SGCZ: variants seen among roughly 807,000 people sequenced by gnomAD.
SGCZ encodes sarcoglycan zeta.
A neutral mutation model predicts 41.3 loss-of-function variants in SGCZ; 40 were observed. The ratio of observed to expected loss-of-function variants is 0.97; its 90% CI spans 0.75 to 1.26. The LOEUF (loss-of-function observed/expected upper bound fraction) is 1.26. Ranked by LOEUF, SGCZ falls within the 50% of genes most tolerant of loss-of-function variation. The pLI is 0.00. For synonymous variants in SGCZ, 206 were observed against 137.5 expected (o/e 1.50, Z -3.49); for missense variants, 552 against 369.8 (o/e 1.49, Z -4.04).
intron 5 of SGCZ, among the ~76,000 whole-genome samples, chr8:14,157,365 AGTGTGTGT>A (rs1276673001): frequency 2.2e-5 from 2 of 89,418 alleles, no homozygotes; most frequent in African/African-American, 7.0e-5. Flanking sequence ...TGTGTGTGTG[AGTGTGTGT>A]GTGTGTGTGT....
At chr8:14,521,074 C>G (rs1388744538) in intron 2 of SGCZ, among the ~76,000 whole-genome samples, 1 of 152,074 alleles carries the variant, frequency 6.6e-6, no homozygotes, top group African/African-American at 2.4e-5. Context: ...TCAGCTTCCC[C>G]CAATTGTAAC....
chr8:14,674,928 G>GCTTTTTTTTTTTTTTTTTTT lies in SGCZ; in HGVS notation c.40-120003_40-120002insAAAAAAAAAAAAAAAAAAAG, dbSNP rs1554478141. Among the ~76,000 whole-genome samples, 300 of 71,002 alleles carry GCTTTTTTTTTTTTTTTTTTT rather than the reference G, an allele frequency of 4.2e-3. 94 individuals carry two copies. Among genetic ancestry groups the GCTTTTTTTTTTTTTTTTTTT allele is most frequent in the African/African-American group, 0.012 (245 of 19,692 alleles). 46.6% of individuals were successfully genotyped at this position (71,002 alleles called of 152,430 possible). On this transcript the variant is annotated intron_variant, in intron 1 of 7. Coordinates refer to ENST00000382080, the MANE Select transcript of SGCZ (RefSeq NM_139167.4). ...GCCAATTTAACCTCTTTTCTTTTCTGTTTTTTTTTTTTTTTTTTTTTTTTT... is the reference window on the plus strand; with the variant it reads ...GCCAATTTAACCTCTTTTCTTTTCTGCTTTTTTTTTTTTTTTTTTTTTTTTTTTTTTTTTTTTTTTTTTTT...
rs940081465 is a variant in SGCZ at position 14,439,763 on chromosome 8, G to A, written c.234+114969C>T. Among the ~76,000 whole-genome samples, 23 of 151,816 alleles carry A rather than the reference G, an allele frequency of 1.5e-4. 1 individual carries two copies. The highest frequency in any genetic ancestry group is 3.1e-4 in the Non-Finnish European group (21 of 67,860). ...ACTCTTAGGAAACAGAAATTGAGGG[G>A]AACTACCTTACCATGATAAACAGTA... On this transcript the variant is annotated intron_variant, in intron 2 of 7. Transcript: ENST00000382080.
intron 2 of SGCZ, among the ~76,000 whole-genome samples, chr8:14,384,213 G>C (rs1024302225): frequency 1.3e-5 from 2 of 151,960 alleles, no homozygotes; most frequent in African/African-American, 4.8e-5. Context: ...AGAACATGCG[G>C]TGTTCGGTTT....
At chr8:15,144,305 A>G (rs1232447976) in intron 1 of SGCZ, among the ~76,000 whole-genome samples, 1 of 152,146 alleles carries the variant, frequency 6.6e-6, no homozygotes, top group African/African-American at 2.4e-5. Flanking sequence ...ATGCTACACA[A>G]TTTCAACAAA....
chr8:15,074,382 A>G (rs1805458022), intron 1 of SGCZ, among the ~76,000 whole-genome samples: 1 of 152,160 alleles, frequency 6.6e-6, no homozygotes, highest in Non-Finnish European at 1.5e-5. Flanking sequence ...TGTTACAGTT[A>G]CAACTCATTA....
intron 2 of SGCZ, among the ~76,000 whole-genome samples, chr8:14,548,235 G>C (rs1803692120): frequency 2.0e-5 from 3 of 152,070 alleles, no homozygotes; most frequent in South Asian, 4.2e-4. Context: ...TGGACAAAAA[G>C]GTATAGCCCC....
chr8:14,499,496 A>G (rs1203213650), intron 2 of SGCZ, among the ~76,000 whole-genome samples: 1 of 152,048 alleles, frequency 6.6e-6, no homozygotes, highest in Non-Finnish European at 1.5e-5. Context: ...TTGCAATATA[A>G]TCTGAGCATT....
intron 1 of SGCZ, among the ~76,000 whole-genome samples, chr8:14,607,667 G>C (rs1437344881): frequency 1.3e-5 from 2 of 151,928 alleles, no homozygotes; most frequent in Non-Finnish European, 2.9e-5. Flanking sequence ...ATAAAATAGA[G>C]ATAGAAAGTA....
chr8:14,690,229 C>G (rs1240396274), intron 1 of SGCZ, among the ~76,000 whole-genome samples: 1 of 151,216 alleles, frequency 6.6e-6, no homozygotes, highest in East Asian at 2.0e-4. Flanking sequence ...CTATTACGGT[C>G]TGAAATAATT....
intron 1 of SGCZ, among the ~76,000 whole-genome samples, chr8:14,682,294 T>C (rs888082739): frequency 6.6e-6 from 1 of 152,174 alleles, no homozygotes; most frequent in Non-Finnish European, 1.5e-5. Context: ...GATTATACTT[T>C]GAGTATGAAA....
chr8:14,953,836 A>G (rs1301157072), intron 1 of SGCZ, among the ~76,000 whole-genome samples: 19 of 152,234 alleles, frequency 1.2e-4, no homozygotes, highest in Admixed American at 1.2e-3. Context: ...ATTACTTCAG[A>G]GAGTTCAGTT....
chr8:15,091,270 T>C (rs2131063013), intron 1 of SGCZ, among the ~76,000 whole-genome samples: 1 of 152,294 alleles, frequency 6.6e-6, no homozygotes, highest in Non-Finnish European at 1.5e-5. Flanking sequence ...TCCTCCCAAC[T>C]TAGCCTCCTG....
In SGCZ at chr8:14,237,687, A is replaced by C. The variant is rs1286212544; in HGVS notation, c.337-8T>G. 1.2e-6 allele frequency: 2 copies of C among 1,605,190 alleles called. No individual in the cohort carries two copies. The highest frequency in any genetic ancestry group is 2.2e-5 in the South Asian group (2 of 89,400). ...TAAGACCAGCGGACTATCCTGGGAA[A>C]CATGTATAAAATAAATAAATAGAAA... is the stretch of plus-strand genomic sequence containing the variant. On this transcript the variant is annotated splice_polypyrimidine_tract_variant and splice_region_variant and intron_variant, in intron 3 of 7. Coordinates refer to ENST00000382080, the MANE Select transcript of SGCZ (RefSeq NM_139167.4).
At chr8:14,342,466 C>T (rs1206231436) in intron 2 of SGCZ, among the ~76,000 whole-genome samples, 1 of 152,072 alleles carries the variant, frequency 6.6e-6, no homozygotes, top group Admixed American at 6.5e-5. Context: ...CAGGTGCCCG[C>T]CATCACGCCC....
intron 1 of SGCZ, among the ~76,000 whole-genome samples, chr8:14,949,650 T>A (rs1424588001): frequency 6.6e-6 from 1 of 152,150 alleles, no homozygotes; most frequent in Admixed American, 6.5e-5. Flanking sequence ...TGGAGGTCAT[T>A]TTGCTGGCAC....
chr8:14,891,224 A>G (rs1431884947), intron 1 of SGCZ, among the ~76,000 whole-genome samples: 2 of 152,220 alleles, frequency 1.3e-5, no homozygotes, highest in Admixed American at 1.3e-4. Flanking sequence ...CCTCTGATGA[A>G]TCTGGGCATA....
At chr8:14,166,269 G>A (rs970423939) in intron 4 of SGCZ, among the ~76,000 whole-genome samples, 3 of 152,016 alleles carry the variant, frequency 2.0e-5, no homozygotes, top group African/African-American at 7.2e-5. Context: ...TGAAAATATG[G>A]AAACCATTGA....
chr8:14,356,725 T>C (rs1803309234), intron 2 of SGCZ, among the ~76,000 whole-genome samples: 1 of 152,094 alleles, frequency 6.6e-6, no homozygotes, highest in Admixed American at 6.5e-5. Context: ...TTTGATTATA[T>C]ATATTTTTAA....
Sources: gnomAD v4.1 joint callset for allele counts (sites outside exome capture counted in the v4.1 genomes callset) on GRCh38, gnomAD v4.1.1 for gene constraint, MANE v1.5 for transcripts, NCBI Gene and HGNC (gene_info 2026-07-23, HGNC 2026-07-21) for gene names.